The following ELL2 variants were observed in gnomAD, a reference collection of about 807,000 sequenced individuals.
ELL2 encodes RNA polymerase II elongation factor ELL2.
In ELL2, 21 loss-of-function variants were observed where a neutral mutation model predicts 72.8. The observed-to-expected ratio is 0.29, with a 90% CI of 0.20 to 0.42. The LOEUF (loss-of-function observed/expected upper bound fraction) is 0.42, where lower values mean the gene tolerates loss of function less well. Ranked by LOEUF, ELL2 falls within the 10% of genes least tolerant of loss-of-function variation. The pLI is 1.00. For synonymous variants in ELL2, 266 were observed against 283.2 expected, an observed-to-expected ratio of 0.94 and a Z score of 0.61; for missense variants, 568 against 772.8, an observed-to-expected ratio of 0.73 and a Z score of 3.14.
chr5:95,889,745 CG>C (rs767742275), intron 10 of ELL2, among the ~76,000 whole-genome samples: 1 of 152,098 alleles, frequency 6.6e-6, no homozygotes, highest in African/African-American at 2.4e-5. Flanking sequence ...CAATTAAATA[CG>C]GTATATATGT....
chr5:95,952,352 G>C (rs532709679), intron 1 of ELL2, among the ~76,000 whole-genome samples: 1 of 151,992 alleles, frequency 6.6e-6, no homozygotes, highest in Non-Finnish European at 1.5e-5. Context: ...TACCTATTGG[G>C]TACTATGCTT....
Position 95,961,624 on chromosome 5 carries a change from T to C in ELL2, c.98A>G (p.Lys33Arg), listed in dbSNP as rs774289852. The C allele has an allele frequency of 3.1e-6, 5 of 1,607,888 alleles. No individual in the cohort carries two copies. In the African/African-American group the frequency reaches 6.8e-5, roughly 22 times the overall value. The change falls in exon 1 of 12, where the codon AAG (lysine) becomes AGG (arginine). Residue 33 changes from lysine to arginine, a missense_variant. By Grantham distance (26) the Lys-to-Arg change is conservative. This residue lies in a region of ELL2 where 57 missense variants were observed against 44.4 expected (regional missense o/e 1.28). Coordinates refer to ENST00000237853, the MANE Select transcript of ELL2 (RefSeq NM_012081.6). ...GQDNITVLHV[K>R]LTETAIRALE... ...CGCCCGGATCGCCGTCTCGGTGAGC[T>C]TCACATGCAGTACGGTGATGTTGTC...
intron 1 of ELL2, among the ~76,000 whole-genome samples, chr5:95,945,956 T>C (rs1314890112): frequency 6.6e-6 from 1 of 152,186 alleles, no homozygotes; most frequent in Non-Finnish European, 1.5e-5. Context: ...GATGACTCTG[T>C]CCAAAAAGTT....
intron 8 of ELL2, among the ~76,000 whole-genome samples, chr5:95,896,846 T>G (rs1161472889): frequency 2.6e-5 from 4 of 152,212 alleles, no homozygotes; most frequent in African/African-American, 7.2e-5. Context: ...GGAACTCTGA[T>G]GTAGATCTCA....
intron 1 of ELL2, among the ~76,000 whole-genome samples, chr5:95,952,101 T>C (rs1419371755): frequency 1.3e-5 from 2 of 152,106 alleles, no homozygotes; most frequent in African/African-American, 4.8e-5. Flanking sequence ...GGTACATATA[T>C]ACCATGGAAT....
At chr5:95,923,257 T>C (rs1245266702) in intron 2 of ELL2, among the ~76,000 whole-genome samples, 3 of 148,930 alleles carry the variant, frequency 2.0e-5, no homozygotes, top group Non-Finnish European at 4.5e-5. Context: ...AAAAAAGAAA[T>C]ACAGAGTAAC....
At chr5:95,895,723 CATCAACTACGAAGGTT>C in intron 8 of ELL2, 32 bp from the exon 9 acceptor site, 1 of 1,554,440 alleles carries the variant, frequency 6.4e-7, no homozygotes. Context: ...TCAGAGCATT[CATCAACTACGAAGGTT>C]ATCAAATGCC....
rs143726855 is a variant in ELL2 at position 95,895,887 on chromosome 5, G to A, written c.1526-196C>T. On this transcript the variant is annotated intron_variant, in intron 8 of 11. Coordinates refer to ENST00000237853, the MANE Select transcript of ELL2 (RefSeq NM_012081.6). ...CCCTATGACCAGCGCCAGCAGAACC[G>A]ACGCCAGGCATTTAAAGCACCCTGG... is the stretch of plus-strand genomic sequence containing the variant. 4.6e-5 allele frequency among the ~76,000 whole-genome samples: 7 copies of A among 152,270 alleles called. No individual in the cohort carries two copies. In the East Asian group the frequency reaches 7.7e-4, roughly 17 times the overall value.
intron 3 of ELL2, among the ~76,000 whole-genome samples, chr5:95,917,790 GTATT>G (rs1191628309): frequency 5.3e-5 from 8 of 152,098 alleles, no homozygotes; most frequent in African/African-American, 1.9e-4. Flanking sequence ...ACCACACAGG[GTATT>G]TATAATGTAA....
chr5:95,958,419 A>C (rs926806308), intron 1 of ELL2, among the ~76,000 whole-genome samples: 1 of 152,150 alleles, frequency 6.6e-6, no homozygotes, highest in Non-Finnish European at 1.5e-5. Flanking sequence ...AGTCAGGAGG[A>C]GGGGCACTGA....
chr5:95,948,429 C>CAAAAAA (rs1187881368), intron 1 of ELL2, among the ~76,000 whole-genome samples: 835 of 35,194 alleles, frequency 0.024, 152 homozygotes, highest in African/African-American at 0.097. Context: ...GACTCCGCCT[C>CAAAAAA]AAAAAAAAAA....
In ELL2 at chr5:95,913,789, G is replaced by C. The variant is rs1466346302; in HGVS notation, c.463C>G (p.Pro155Ala). Residue 155 changes from proline (P) to alanine (A), a missense_variant, in exon 4 of 12, where the codon CCC becomes GCC. By Grantham distance (27) the Pro-to-Ala change is conservative (BLOSUM62 -1). Around this residue, in one of 2 missense-constraint regions of ELL2, gnomAD observed 511 missense variants for 728.4 expected, o/e 0.70. Transcript: ENST00000237853. ...SRNRSTKVIK[P>A]GGPYVGKRVQ... ...TACAAACCTACATATGGTCCACCGG[G>C]TTTGATAACTTTTGTGCTTCGGTTG... The C allele has an allele frequency of 6.2e-7, 1 of 1,610,830 alleles. No individual in the cohort carries two copies.
At chr5:95,889,062 A>G in intron 11 of ELL2, 24 bp downstream of exon 11, 1 of 1,605,560 alleles carries the variant, frequency 6.2e-7, no homozygotes, top group East Asian at 2.2e-5. Flanking sequence ...CACAGGTCAG[A>G]AAATCAACAG....
Position 95,950,941 on chromosome 5 carries a change from TA to T in ELL2, c.148-7893del, listed in dbSNP as rs1561515480. Among the ~76,000 whole-genome samples, 350 of 109,284 alleles carry T rather than the reference TA, an allele frequency of 3.2e-3. 5 individuals carry two copies. In the East Asian group the frequency reaches 0.067, roughly 21 times the overall value. 71.7% of individuals were successfully genotyped at this position (109,284 alleles called of 152,430 possible). A position where few individuals can be genotyped will look rare whatever the true frequency, so the allele number is the denominator to read the frequency against. On this transcript the variant is annotated intron_variant, in intron 1 of 11. Coordinates refer to ENST00000237853, the MANE Select transcript of ELL2 (RefSeq NM_012081.6). ...ATATATATATATATATATATATATA[TA>T]TATATATATATAAAATCTTCATATA...
At chr5:95,939,015 T>C (rs1750878118) in intron 2 of ELL2, among the ~76,000 whole-genome samples, 2 of 152,198 alleles carry the variant, frequency 1.3e-5, no homozygotes, top group East Asian at 3.8e-4. Context: ...TTATTCACTA[T>C]TGAAAACTTT....
At chr5:95,892,678 C>T (rs1202690742) in intron 9 of ELL2, among the ~76,000 whole-genome samples, 1 of 152,182 alleles carries the variant, frequency 6.6e-6, no homozygotes, top group African/African-American at 2.4e-5. Flanking sequence ...GTTCAGTCCT[C>T]TCCAAATGGT....
intron 9 of ELL2, 83 bp downstream of exon 9, chr5:95,895,545 T>G: frequency 7.5e-7 from 1 of 1,341,624 alleles, no homozygotes; most frequent in South Asian, 1.2e-5. Context: ...TTCTTACTTT[T>G]CTGATTTGCA....
At chr5:95,951,811 CTG>C (rs1751417888) in intron 1 of ELL2, among the ~76,000 whole-genome samples, 1 of 152,094 alleles carries the variant, frequency 6.6e-6, no homozygotes, top group African/African-American at 2.4e-5. Flanking sequence ...ATGATGGTAA[CTG>C]GGACTGGAAT....
chr5:95,914,143 G>A (rs931114771), intron 3 of ELL2, among the ~76,000 whole-genome samples: 1 of 151,730 alleles, frequency 6.6e-6, no homozygotes, highest in East Asian at 1.9e-4. Flanking sequence ...TGGATGAAGT[G>A]AGCTCTCAGA....
Sources: allele counts gnomAD v4.1 joint callset (sites outside exome capture counted in the v4.1 genomes callset), GRCh38; gene constraint gnomAD v4.1.1; regional missense constraint gnomAD v4.1.1; transcripts MANE v1.5; gene names NCBI Gene and HGNC (gene_info 2026-07-23, HGNC 2026-07-21).